The following ST7L variants were observed in gnomAD, a reference collection of about 807,000 sequenced individuals.
ST7L encodes suppression of tumorigenicity 7 like.
A neutral mutation model predicts 72.5 loss-of-function variants in ST7L; 57 were observed. The ratio of observed to expected loss-of-function variants is 0.79; its 90% CI spans 0.64 to 0.98. The LOEUF is 0.98. ST7L is among the 50% of genes least tolerant of loss of function. ST7L has a pLI of 0.00. For synonymous variants in ST7L, 221 were observed against 240.9 expected (o/e 0.92, Z 0.77); for missense variants, 576 against 672.2 (o/e 0.86, Z 1.58).
chr1:112,542,020 G>C lies in ST7L; in HGVS notation c.1560C>G (p.Cys520Trp). The C allele has an allele frequency of 6.2e-7, 1 of 1,613,778 alleles. No homozygotes were observed. The highest frequency in any genetic ancestry group is 1.1e-5 in the South Asian group (1 of 90,986). The change falls in exon 14 of 15, where the codon TGC (cysteine) becomes TGG (tryptophan). Residue 520 changes from cysteine to tryptophan, a missense_variant. Transcript: ENST00000358039. The stretch of plus-strand genomic sequence containing the variant: ...GAATGGCTATCATTGCTGTAGAAGA[G>C]CAAAATCCTGCTGTGAAATGGATGA... ...PLFIHFTAGFCSSTAMIAILT... is the reference protein window; with the variant it reads ...PLFIHFTAGFWSSTAMIAILT...
At chr1:112,584,431 G>A (rs1036274098) in intron 6 of ST7L, among the ~76,000 whole-genome samples, 1 of 151,240 alleles carries the variant, frequency 6.6e-6, no homozygotes. Context: ...TTTGTGAAAG[G>A]GGGGAGAAAA....
chr1:112,619,530 A>G (rs919925973), upstream of ST7L: 13 of 527,076 alleles, frequency 2.5e-5, no homozygotes, highest in Admixed American at 1.8e-4. Context: ...AGCAACAGCT[A>G]TTTGGTCGGA....
intron 4 of ST7L, among the ~76,000 whole-genome samples, chr1:112,598,372 T>C (rs1666795794): frequency 6.7e-6 from 1 of 150,236 alleles, no homozygotes; most frequent in Non-Finnish European, 1.5e-5. Flanking sequence ...AGGCTGAGGC[T>C]GGTGAATGAC....
chr1:112,603,548 A>G (rs1384352622), intron 3 of ST7L, among the ~76,000 whole-genome samples: 2 of 152,216 alleles, frequency 1.3e-5, no homozygotes, highest in Non-Finnish European at 2.9e-5. Context: ...ATACACTTCA[A>G]TCAAACACCA....
chr1:112,541,801 T>C, intron 14 of ST7L, 150 bp downstream of exon 14: 1 of 1,344,768 alleles, frequency 7.4e-7, no homozygotes, highest in East Asian at 2.8e-5. Context: ...TTATGTTTGA[T>C]GTATTTATGG....
intron 11 of ST7L, among the ~76,000 whole-genome samples, chr1:112,557,722 T>C (rs1659433355): frequency 1.3e-5 from 2 of 152,130 alleles, no homozygotes; most frequent in South Asian, 4.1e-4. Context: ...ATAGGTAGAA[T>C]GTGGATGAGT....
chr1:112,563,494 G>T (rs1470833289), intron 11 of ST7L, among the ~76,000 whole-genome samples: 2 of 152,150 alleles, frequency 1.3e-5, no homozygotes, highest in Admixed American at 6.5e-5. Context: ...CATAGCTGAG[G>T]ACACAAACCA....
intron 6 of ST7L, 44 bp from the exon 7 acceptor site, chr1:112,584,170 C>G (rs1280593714): frequency 6.3e-7 from 1 of 1,584,216 alleles, no homozygotes; most frequent in South Asian, 1.1e-5. Context: ...AATGGTAAAG[C>G]AAGTGTTTTC....
In ST7L at chr1:112,571,659, C is replaced by T. The variant is rs564018110; in HGVS notation, c.1245+5327G>A. Among the ~76,000 whole-genome samples, 7 of 152,308 alleles carry T rather than the reference C, an allele frequency of 4.6e-5. No individual in the cohort carries two copies. In the South Asian group the frequency reaches 1.5e-3, roughly 32 times the overall value. On this transcript the variant is annotated intron_variant, in intron 11 of 14. Coordinates refer to ENST00000358039, the MANE Select transcript of ST7L (RefSeq NM_017744.5). ...CAGGCTGGTCTCGAACTCCTGACCT[C>T]AGGTGATCCACCCGCTTCGGCCTCC...
Position 112,582,486 on chromosome 1 carries a change from CA to C in ST7L, c.857-15del. 4.7e-6 allele frequency: 7 copies of C among 1,480,102 alleles called. No individual in the cohort carries two copies. Among genetic ancestry groups the C allele is most frequent in the Admixed American group, 1.9e-5 (1 of 53,552 alleles). 91.7% of individuals were successfully genotyped at this position (1,480,102 alleles called of 1,614,324 possible). On this transcript the variant is annotated splice_polypyrimidine_tract_variant and intron_variant, in intron 7 of 14. Coordinates refer to ENST00000358039, the MANE Select transcript of ST7L (RefSeq NM_017744.5). ...TGGTATCTCTCCCTATTTAGAAAAACAAAAAAATGATACAACTATCACTTTT... is the reference window on the plus strand; with the variant it reads ...TGGTATCTCTCCCTATTTAGAAAAACAAAAAATGATACAACTATCACTTTT...
intron 3 of ST7L, among the ~76,000 whole-genome samples, chr1:112,609,618 T>C (rs1048249889): frequency 2.6e-5 from 4 of 151,600 alleles, no homozygotes; most frequent in Non-Finnish European, 4.4e-5. Context: ...GGTCAAGAGA[T>C]TGAGACCATC....
chr1:112,562,557 G>A (rs778327744), intron 11 of ST7L, among the ~76,000 whole-genome samples: 7 of 152,288 alleles, frequency 4.6e-5, no homozygotes, highest in South Asian at 4.1e-4. Context: ...GACAACAGAT[G>A]AGCAGGGTCT....
At chr1:112,565,861 C>G (rs1660925606) in intron 11 of ST7L, among the ~76,000 whole-genome samples, 1 of 151,880 alleles carries the variant, frequency 6.6e-6, no homozygotes, top group Non-Finnish European at 1.5e-5. Context: ...ACAAAAAATA[C>G]AAAAATTAGC....
chr1:112,555,795 A>G (rs1420960504), intron 12 of ST7L, 73 bp downstream of exon 12: 1 of 1,317,774 alleles, frequency 7.6e-7, no homozygotes, highest in African/African-American at 1.5e-5. Flanking sequence ...AGACAATCTC[A>G]TTTAAAAAGA....
In ST7L at chr1:112,525,980, G is replaced by T; in HGVS notation, c.*33C>A. On this transcript the variant is annotated 3_prime_UTR_variant, in exon 15 of 15. Transcript: ENST00000358039. ...CAGATGCTGTTCAGAAAAATTTGGTGATTTGTCCAAGGTCACATGAACAGT... is the reference window on the plus strand; with the variant it reads ...CAGATGCTGTTCAGAAAAATTTGGTTATTTGTCCAAGGTCACATGAACAGT... 1.9e-6 allele frequency: 3 copies of T among 1,612,288 alleles called. No homozygotes were observed. The highest frequency in any genetic ancestry group is 2.5e-6 in the Non-Finnish European group (3 of 1,178,788).
chr1:112,561,228 A>G (rs1660075563), intron 11 of ST7L, among the ~76,000 whole-genome samples: 1 of 151,616 alleles, frequency 6.6e-6, no homozygotes, highest in African/African-American at 2.4e-5. Flanking sequence ...AAATGGAAAC[A>G]TAACAGAGCT....
Position 112,594,509 on chromosome 1 carries a change from A to C in ST7L, c.623-2906T>G, listed in dbSNP as rs148470951. Among the ~76,000 whole-genome samples, 219 of 152,334 alleles carry C rather than the reference A, an allele frequency of 1.4e-3. 1 individual carries two copies. The highest frequency in any genetic ancestry group is 5.0e-3 in the African/African-American group (206 of 41,586). On this transcript the variant is annotated intron_variant, in intron 5 of 14. Coordinates refer to ENST00000358039, the MANE Select transcript of ST7L (RefSeq NM_017744.5). ...CACCCCTCCCTACTTACTATCAAAGAATGGATTGCTCCTAGGGGAAGGTCC... is the reference window on the plus strand; with the variant it reads ...CACCCCTCCCTACTTACTATCAAAGCATGGATTGCTCCTAGGGGAAGGTCC...
chr1:112,566,069 C>A (rs559870929), intron 11 of ST7L, among the ~76,000 whole-genome samples: 2 of 151,846 alleles, frequency 1.3e-5, no homozygotes, highest in African/African-American at 2.4e-5. Context: ...TCAATAATAG[C>A]CTGACACTCA....
At chr1:112,610,099 A>G (rs546738415) in intron 3 of ST7L, among the ~76,000 whole-genome samples, 2 of 152,238 alleles carry the variant, frequency 1.3e-5, no homozygotes, top group Non-Finnish European at 2.9e-5. Context: ...ATAGCTAGTA[A>G]TGGCCATATG....
Sources: allele counts gnomAD v4.1 joint callset (sites outside exome capture counted in the v4.1 genomes callset), GRCh38; gene constraint gnomAD v4.1.1; transcripts MANE v1.5; gene names NCBI Gene and HGNC (gene_info 2026-07-23, HGNC 2026-07-21).